The following KCNC2 variants were observed in gnomAD, a reference collection of about 807,000 sequenced individuals.
KCNC2 encodes the protein potassium voltage-gated channel subfamily C member 2.
In KCNC2, 21 loss-of-function variants were observed where a neutral mutation model predicts 44.5. The ratio of observed to expected loss-of-function variants is 0.47; its 90% CI spans 0.33 to 0.68. The LOEUF is 0.68. Ranked by LOEUF, KCNC2 falls within the 30% of genes least tolerant of loss-of-function variation. The pLI, the probability that KCNC2 is intolerant of heterozygous loss-of-function variation, is 0.01. For synonymous variants in KCNC2, 391 were observed against 339.1 expected, an observed-to-expected ratio of 1.15 and a Z score of -1.68; for missense variants, 589 against 826.2, an observed-to-expected ratio of 0.71 and a Z score of 3.52.
chr12:75,125,283 T>C (rs12301525), intron 2 of KCNC2, among the ~76,000 whole-genome samples: 22,812 of 151,674 alleles, frequency 0.15, 2,035 homozygotes, highest in Middle Eastern at 0.27. Flanking sequence ...GGATAATAAA[T>C]AGATCAAAAA....
At chr12:75,078,742 C>T (rs538580850) in intron 2 of KCNC2, among the ~76,000 whole-genome samples, 6 of 152,152 alleles carry the variant, frequency 3.9e-5, no homozygotes, top group South Asian at 4.1e-4. Context: ...AGATTAACAA[C>T]GAGAGTGAAT....
intron 2 of KCNC2, among the ~76,000 whole-genome samples, chr12:75,186,469 A>G (rs1485343039): frequency 6.6e-6 from 1 of 152,160 alleles, no homozygotes; most frequent in Non-Finnish European, 1.5e-5. Flanking sequence ...AGAATATTCT[A>G]TCATGTGGAT....
At chr12:75,201,442 A>C (rs1309325745) in intron 2 of KCNC2, among the ~76,000 whole-genome samples, 2 of 151,884 alleles carry the variant, frequency 1.3e-5, no homozygotes, top group East Asian at 1.9e-4. Flanking sequence ...TGAAGTTTAG[A>C]TACTATCTAG....
At chr12:75,100,524 A>G (rs1886292770) in intron 2 of KCNC2, among the ~76,000 whole-genome samples, 1 of 151,228 alleles carries the variant, frequency 6.6e-6, no homozygotes. Context: ...TTTAAATTAT[A>G]TCATTAAGAA....
In KCNC2 at chr12:75,042,865, A is replaced by G; in HGVS notation, c.*240T>C. Reference sequence around the variant, plus strand: ...TGACACTATCTGTCATTTTATTGCAAAAGGATATCAGGGCAATTAATAGGA... The same window carrying G: ...TGACACTATCTGTCATTTTATTGCAGAAGGATATCAGGGCAATTAATAGGA... On this transcript the variant is annotated 3_prime_UTR_variant, in exon 5 of 5. Transcript: ENST00000549446. 7.6e-7 allele frequency: 1 copy of G among 1,307,882 alleles called. No individual in the cohort carries two copies. The highest frequency in any genetic ancestry group is 9.7e-7 in the Non-Finnish European group (1 of 1,029,622). The allele number at this position is 1,307,882 out of a possible 1,614,324, so 81.0% of individuals were successfully genotyped here.
chr12:75,183,844 C>T (rs542400298), intron 2 of KCNC2, among the ~76,000 whole-genome samples: 3 of 152,310 alleles, frequency 2.0e-5, no homozygotes, highest in Admixed American at 6.5e-5. Context: ...CAATGTGGCT[C>T]ACCGGGTCCT....
At chr12:75,087,841 C>T (rs1885150220) in intron 2 of KCNC2, among the ~76,000 whole-genome samples, 1 of 152,020 alleles carries the variant, frequency 6.6e-6, no homozygotes, top group South Asian at 2.1e-4. Flanking sequence ...TTCCAAAAAG[C>T]ATCTTCAGGC....
intron 2 of KCNC2, among the ~76,000 whole-genome samples, chr12:75,190,605 C>A (rs1197833003): frequency 1.3e-5 from 2 of 152,090 alleles, no homozygotes; most frequent in East Asian, 3.8e-4. Context: ...GTGTACTAAG[C>A]TAAGATAACT....
chr12:75,207,714 G>T lies in KCNC2; in HGVS notation c.270C>A (p.Gly90=). 2 of 1,578,286 alleles carry T rather than the reference G, an allele frequency of 1.3e-6. No homozygotes were observed. Among genetic ancestry groups the T allele is most frequent in the Non-Finnish European group, 1.7e-6 (2 of 1,162,626 alleles). The change falls in exon 2 of 5, where the codon GGC becomes GGA. Residue 90 remains glycine, a synonymous_variant. Transcript: ENST00000549446. This position sits in a 1 kb window ranked among gnomAD's most constrained non-coding sequence, Gnocchi z 4.1. Reference sequence around the variant, plus strand: ...CGCCACCGGGATGGTCGCTGGCCCTGCCGCCGCGGGAACTGCAGTTGCCCG... The same window carrying T: ...CGCCACCGGGATGGTCGCTGGCCCTTCCGCCGCGGGAACTGCAGTTGCCCG... ...GGAGNCSSRG[G]RASDHPGGGR...
intron 2 of KCNC2, among the ~76,000 whole-genome samples, chr12:75,116,997 A>C (rs1165616468): frequency 6.6e-6 from 1 of 152,112 alleles, no homozygotes; most frequent in Non-Finnish European, 1.5e-5. Flanking sequence ...GATTCCATTC[A>C]CATAGCAACA....
intron 3 of KCNC2, among the ~76,000 whole-genome samples, chr12:75,049,822 T>A (rs1285932436): frequency 6.6e-6 from 1 of 152,080 alleles, no homozygotes; most frequent in Non-Finnish European, 1.5e-5. Flanking sequence ...GAAAATTTAA[T>A]CAATCCTCCA....
At chr12:75,104,630 CATA>C (rs1050280401) in intron 2 of KCNC2, among the ~76,000 whole-genome samples, 2 of 152,082 alleles carry the variant, frequency 1.3e-5, no homozygotes, top group Non-Finnish European at 2.9e-5. Context: ...ATTTAACCAT[CATA>C]ATAATAAACT....
At chr12:75,082,829 A>G (rs1166227871) in intron 2 of KCNC2, among the ~76,000 whole-genome samples, 1 of 151,872 alleles carries the variant, frequency 6.6e-6, no homozygotes, top group African/African-American at 2.4e-5. Context: ...GATAGCATAC[A>G]TTTCATTTTT....
intron 2 of KCNC2, among the ~76,000 whole-genome samples, chr12:75,074,363 T>C (rs1883717122): frequency 6.6e-6 from 1 of 150,924 alleles, no homozygotes; most frequent in African/African-American, 2.4e-5. Flanking sequence ...ACCCATGCAG[T>C]GAAGAGGGTA....
chr12:75,058,777 A>G (rs1249456142), intron 2 of KCNC2, among the ~76,000 whole-genome samples: 1 of 151,812 alleles, frequency 6.6e-6, no homozygotes, highest in Non-Finnish European at 1.5e-5. Flanking sequence ...TTGCTCAGTA[A>G]TTTTTTTCTA....
intron 2 of KCNC2, among the ~76,000 whole-genome samples, chr12:75,085,975 T>G (rs1884962590): frequency 6.6e-6 from 1 of 152,088 alleles, no homozygotes; most frequent in African/African-American, 2.4e-5. Context: ...TACACTTTTT[T>G]TTCTGCTGAA....
At chr12:75,197,130 G>A (rs1054454061) in intron 2 of KCNC2, among the ~76,000 whole-genome samples, 1 of 151,978 alleles carries the variant, frequency 6.6e-6, no homozygotes, top group Non-Finnish European at 1.5e-5. Context: ...TGATTCATAG[G>A]CACATTCAAA....
intron 2 of KCNC2, among the ~76,000 whole-genome samples, chr12:75,129,412 T>G (rs1043356746): frequency 6.6e-6 from 1 of 152,216 alleles, no homozygotes; most frequent in Non-Finnish European, 1.5e-5. Context: ...TACCATTCAG[T>G]GTACCAAGTG....
At chr12:75,165,463 A>G (rs183943231) in intron 2 of KCNC2, among the ~76,000 whole-genome samples, 4 of 151,684 alleles carry the variant, frequency 2.6e-5, no homozygotes, top group Admixed American at 2.6e-4. Context: ...AATGATAACT[A>G]ATTTATACAA....
Sources: allele counts gnomAD v4.1 joint callset (sites outside exome capture counted in the v4.1 genomes callset), GRCh38; gene constraint gnomAD v4.1.1; non-coding constraint Gnocchi (gnomAD v3.1); transcripts MANE v1.5; gene names NCBI Gene and HGNC (gene_info 2026-07-23, HGNC 2026-07-21).